Variants in TMEM132D observed in about 807,000 individuals in gnomAD.
TMEM132D encodes the protein mature OL transmembrane protein.
Under a neutral mutation model 62.3 loss-of-function variants are expected in TMEM132D, and 21 were observed. The observed-to-expected ratio is 0.34, with a 90% CI of 0.24 to 0.49. The LOEUF is 0.49. TMEM132D is among the 20% of genes least tolerant of loss of function. The pLI, the probability that TMEM132D is intolerant of heterozygous loss-of-function variation, is 0.99. For missense variants in TMEM132D, 1,346 were observed against 1,402.8 expected, an observed-to-expected ratio of 0.96 and a Z score of 0.65; for synonymous variants, 621 against 575.6, an observed-to-expected ratio of 1.08 and a Z score of -1.13.
intron 5 of TMEM132D, among the ~76,000 whole-genome samples, chr12:129,156,723 C>T (rs765429990): frequency 2.6e-5 from 4 of 151,316 alleles, no homozygotes; most frequent in Non-Finnish European, 4.4e-5. Flanking sequence ...TGTGATAACC[C>T]ACTCCCTCAA....
intron 4 of TMEM132D, among the ~76,000 whole-genome samples, chr12:129,276,430 C>T (rs1256678613): frequency 6.6e-6 from 1 of 152,178 alleles, no homozygotes; most frequent in African/African-American, 2.4e-5. Flanking sequence ...TACTTATAAG[C>T]CAGGGATTTA....
At chr12:129,383,256 A>G (rs567025254) in intron 3 of TMEM132D, among the ~76,000 whole-genome samples, 1 of 152,238 alleles carries the variant, frequency 6.6e-6, no homozygotes, top group Non-Finnish European at 1.5e-5. Flanking sequence ...TCTAAATCAC[A>G]CCCAGAATGC....
chr12:129,472,260 C>T (rs1427272184), intron 3 of TMEM132D, among the ~76,000 whole-genome samples: 1 of 152,256 alleles, frequency 6.6e-6, no homozygotes, highest in South Asian at 2.1e-4. Context: ...CTGGGGACTT[C>T]AAGTTGAGTT....
chr12:129,093,622 T>A (rs1201517150), intron 5 of TMEM132D, among the ~76,000 whole-genome samples: 1 of 152,226 alleles, frequency 6.6e-6, no homozygotes, highest in Non-Finnish European at 1.5e-5. Context: ...AGGTCATTTA[T>A]AGATTCAATG....
intron 2 of TMEM132D, among the ~76,000 whole-genome samples, chr12:129,548,033 G>A (rs1024803288): frequency 9.2e-5 from 14 of 152,136 alleles, no homozygotes; most frequent in African/African-American, 2.9e-4. Context: ...CTGAGTACAT[G>A]GATACCGCCA....
intron 5 of TMEM132D, among the ~76,000 whole-genome samples, chr12:129,196,121 C>T (rs1394166184): frequency 1.3e-5 from 2 of 151,358 alleles, no homozygotes; most frequent in South Asian, 2.1e-4. Flanking sequence ...AGTGAGACTC[C>T]ATCTCAAAAA....
chr12:129,353,084 T>C (rs1869920751), intron 3 of TMEM132D, among the ~76,000 whole-genome samples: 1 of 152,068 alleles, frequency 6.6e-6, no homozygotes, highest in African/African-American at 2.4e-5. Context: ...GTTTCTGTCC[T>C]TTCCCCCTCC....
intron 4 of TMEM132D, among the ~76,000 whole-genome samples, chr12:129,309,584 C>T (rs1421853416): frequency 6.6e-6 from 1 of 152,134 alleles, no homozygotes; most frequent in African/African-American, 2.4e-5. Flanking sequence ...CAGAACCCCA[C>T]CCGGATCACT....
At position 129,699,796 on chromosome 12, in the gene TMEM132D, G is replaced by C; in HGVS notation, c.968+14C>G. On this transcript the variant is annotated intron_variant, in intron 2 of 8. Coordinates refer to ENST00000422113, the MANE Select transcript of TMEM132D (RefSeq NM_133448.3). ...CGACGGGCGGGTACAGACAGACATT[G>C]GGAAACGACTTACCTCAACGTGAAG... The C allele has an allele frequency of 6.2e-7, 1 of 1,611,866 alleles. No homozygotes were observed. The highest frequency in any genetic ancestry group is 8.5e-7 in the Non-Finnish European group (1 of 1,178,486).
chr12:129,898,496 G>A (rs974243992), intron 1 of TMEM132D, among the ~76,000 whole-genome samples: 1 of 152,160 alleles, frequency 6.6e-6, no homozygotes, highest in African/African-American at 2.4e-5. Flanking sequence ...TACTTTATTT[G>A]GAAATGTTAA....
intron 5 of TMEM132D, among the ~76,000 whole-genome samples, chr12:129,175,931 T>C (rs566747195): frequency 1.1e-4 from 16 of 152,222 alleles, no homozygotes; most frequent in African/African-American, 3.9e-4. Context: ...TCTGGCAGAG[T>C]CCACATTACC....
chr12:129,732,285 G>A (rs1427225653), intron 1 of TMEM132D, among the ~76,000 whole-genome samples: 1 of 152,204 alleles, frequency 6.6e-6, no homozygotes, highest in Non-Finnish European at 1.5e-5. Flanking sequence ...GATTTTCTGG[G>A]TGATAGGAGT....
chr12:129,496,355 A>G (rs574283241), intron 3 of TMEM132D, among the ~76,000 whole-genome samples: 1 of 152,306 alleles, frequency 6.6e-6, no homozygotes, highest in East Asian at 1.9e-4. Context: ...CTGGTTTTAG[A>G]GAGCAATGGG....
intron 4 of TMEM132D, among the ~76,000 whole-genome samples, chr12:129,281,903 T>A (rs1881165552): frequency 6.6e-6 from 1 of 152,144 alleles, no homozygotes; most frequent in African/African-American, 2.4e-5. Flanking sequence ...CTTTCCTCAA[T>A]GGGGCTCAAC....
chr12:129,267,027 G>C (rs4759985), intron 4 of TMEM132D, among the ~76,000 whole-genome samples: 115,147 of 151,940 alleles, frequency 0.76, 43,631 homozygotes, highest in South Asian at 0.8. Flanking sequence ...GGGATCAAAC[G>C]AAGGTCCTAG....
chr12:129,650,522 C>A (rs1200920825), intron 2 of TMEM132D, among the ~76,000 whole-genome samples: 1 of 152,176 alleles, frequency 6.6e-6, no homozygotes, highest in Non-Finnish European at 1.5e-5. Context: ...AAATTTACTA[C>A]ACAATGCCAA....
chr12:129,093,418 T>TGAAC (rs1874996199), intron 5 of TMEM132D, among the ~76,000 whole-genome samples: 1 of 151,968 alleles, frequency 6.6e-6, no homozygotes, highest in Non-Finnish European at 1.5e-5. Flanking sequence ...AAATCATGAG[T>TGAAC]GAACTCCCAT....
intron 1 of TMEM132D, among the ~76,000 whole-genome samples, chr12:129,829,859 T>C (rs1421711863): frequency 6.6e-6 from 1 of 152,170 alleles, no homozygotes; most frequent in Non-Finnish European, 1.5e-5. Context: ...TTACCATCAA[T>C]TAGAACGACT....
chr12:129,357,246 C>CAAA (rs751595186), intron 3 of TMEM132D, among the ~76,000 whole-genome samples: 1 of 91,176 alleles, frequency 1.1e-5, no homozygotes. Flanking sequence ...GACCGTGTCT[C>CAAA]AAAAAAAAAA....
Sources: allele counts gnomAD v4.1 joint callset (sites outside exome capture counted in the v4.1 genomes callset), GRCh38; gene constraint gnomAD v4.1.1; transcripts MANE v1.5; gene names NCBI Gene and HGNC (gene_info 2026-07-23, HGNC 2026-07-21).